Variants in RRP12 observed in about 807,000 individuals in gnomAD.
RRP12 encodes ribosomal RNA processing 12 homolog, also known as RRP12-like protein.
Under a neutral mutation model 157.3 loss-of-function variants are expected in RRP12, and 78 were observed. That is an observed-to-expected ratio of 0.50 (90% CI 0.41 to 0.60). The LOEUF (loss-of-function observed/expected upper bound fraction) is 0.60, where lower values mean the gene tolerates loss of function less well. Ranked by LOEUF, RRP12 falls within the 20% of genes least tolerant of loss-of-function variation. The pLI is 0.00. For missense variants in RRP12, 1,521 were observed against 1,679.9 expected (o/e 0.91, Z 1.65); for synonymous variants, 726 against 670.9 (o/e 1.08, Z -1.27).
chr10:97,399,089 C>T (rs1028743971), intron 2 of RRP12, among the ~76,000 whole-genome samples: 2 of 152,060 alleles, frequency 1.3e-5, no homozygotes, highest in Non-Finnish European at 2.9e-5. Context: ...GCCTGACCAA[C>T]ATGGAGAAAC....
chr10:97,368,421 A>C (rs1844049739), intron 25 of RRP12, among the ~76,000 whole-genome samples: 1 of 150,500 alleles, frequency 6.6e-6, no homozygotes, highest in Non-Finnish European at 1.5e-5. Context: ...GTAGTGGTGC[A>C]ATCTTGGCTC....
intron 13 of RRP12, 147 bp from the exon 14 acceptor site, chr10:97,379,917 G>A (rs564783231): frequency 1.3e-4 from 83 of 645,384 alleles, no homozygotes; most frequent in African/African-American, 1.3e-3. Context: ...ATTAACCACT[G>A]GTGACTGTAA....
At chr10:97,358,832 T>G (rs187655961) in intron 32 of RRP12, 111 bp downstream of exon 32, 2 of 923,630 alleles carry the variant, frequency 2.2e-6, no homozygotes, top group South Asian at 1.4e-5. Context: ...CTGGCCTCAG[T>G]TGAGTTCCAG....
Position 97,390,729 on chromosome 10 carries a change from AG to A in RRP12, c.636+9del. ...GTCGCCAGATGAGAAACTAAACCCCAGACACTAACCCATCGGAGGACAGAGG... is the reference window on the plus strand; with the variant it reads ...GTCGCCAGATGAGAAACTAAACCCCAACACTAACCCATCGGAGGACAGAGG... On this transcript the variant is annotated intron_variant, in intron 5 of 33. Coordinates refer to ENST00000370992, the MANE Select transcript of RRP12 (RefSeq NM_015179.4). 6.3e-7 allele frequency: 1 copy of A among 1,588,642 alleles called. No homozygotes were observed. Among genetic ancestry groups the A allele is most frequent in the Middle Eastern group, 1.7e-4 (1 of 6,020 alleles).
Position 97,373,602 on chromosome 10 carries a change from T to C in RRP12, c.1999A>G (p.Thr667Ala). 1 of 1,607,744 alleles carries C rather than the reference T, an allele frequency of 6.2e-7. No individual in the cohort carries two copies. Among genetic ancestry groups the C allele is most frequent in the Non-Finnish European group, 8.5e-7 (1 of 1,176,278 alleles). Residue 667 changes from threonine (T) to alanine (A), a missense_variant, in exon 17 of 34, where the codon ACC (threonine) becomes GCC (alanine). Thr to Ala is a moderately conservative substitution (Grantham distance 58, BLOSUM62 0). Coordinates refer to ENST00000370992, the MANE Select transcript of RRP12 (RefSeq NM_015179.4). ...LRVTVCQALR[T>A]LITKGCQAEA... ...GCCTGGCAGCCCTTGGTGATGAGGG[T>C]GCGCAGGGCCTGGCACACGGTGACC...
chr10:97,389,526 G>C (rs1272544918), intron 6 of RRP12, among the ~76,000 whole-genome samples: 3 of 152,040 alleles, frequency 2.0e-5, no homozygotes, highest in Non-Finnish European at 4.4e-5. Context: ...CTGGGCTGAC[G>C]GTGCTTAGCA....
In RRP12 at chr10:97,361,265, G is replaced by A. The variant is rs116577844; in HGVS notation, c.3568-647C>T. Among the ~76,000 whole-genome samples the A allele has an allele frequency of 2.1e-4, 32 of 152,326 alleles. No homozygotes were observed. In the South Asian group the frequency reaches 3.1e-3, roughly 15 times the overall value. On this transcript the variant is annotated intron_variant, in intron 30 of 33. Transcript: ENST00000370992. ...GGAAGTGACAGAGCACCTACTGTGC[G>A]CCTGGCACTGTGTTAGGCAGTCCAA...
At position 97,401,243 on chromosome 10, in the gene RRP12, C is replaced by T. The variant is rs747759366; in HGVS notation, c.-12G>A. The T allele has an allele frequency of 1.7e-5, 27 of 1,613,786 alleles. No homozygotes were observed. The South Asian group carries it at 2.2e-4, about 13-fold the overall frequency. ...CCCGAGCGACCCATGTTGACTAAGC[C>T]GTGGCGAGGAATGAGCTTAAATGAC... On this transcript the variant is annotated 5_prime_UTR_variant, in exon 1 of 34. Transcript: ENST00000370992.
At chr10:97,385,041 C>G (rs1564763485) in intron 10 of RRP12, 125 bp downstream of exon 10, 4 of 582,788 alleles carry the variant, frequency 6.9e-6, no homozygotes, top group African/African-American at 2.4e-5. Flanking sequence ...AAGGACCCCC[C>G]CAACCTTGGC....
At chr10:97,382,130 A>C (rs1038162407) in intron 10 of RRP12, among the ~76,000 whole-genome samples, 1 of 152,126 alleles carries the variant, frequency 6.6e-6, no homozygotes, top group Non-Finnish European at 1.5e-5. Flanking sequence ...AAGTTTCTTA[A>C]ATACCCTTCC....
intron 25 of RRP12, 36 bp from the exon 26 acceptor site, chr10:97,367,168 G>A: frequency 6.4e-7 from 1 of 1,572,520 alleles, no homozygotes. Context: ...AGGGAGGCGA[G>A]CCTTCCATGC....
At chr10:97,383,378 A>G (rs1483251087) in intron 10 of RRP12, among the ~76,000 whole-genome samples, 4 of 152,142 alleles carry the variant, frequency 2.6e-5, no homozygotes, top group African/African-American at 9.7e-5. Context: ...TCACTCACAG[A>G]GCCTTTGTTT....
chr10:97,376,921 C>A (rs1274127071), intron 15 of RRP12, among the ~76,000 whole-genome samples: 2 of 150,958 alleles, frequency 1.3e-5, no homozygotes, highest in Non-Finnish European at 3.0e-5. Flanking sequence ...GCTGTGTTGC[C>A]CAGGCTGGAG....
At chr10:97,382,338 TCTCA>T (rs770855634) in intron 10 of RRP12, among the ~76,000 whole-genome samples, 32 of 152,130 alleles carry the variant, frequency 2.1e-4, no homozygotes, top group Non-Finnish European at 3.7e-4. Context: ...AGAGACAGGA[TCTCA>T]CTGTGTTTCC....
chr10:97,390,899 G>T, intron 4 of RRP12, 55 bp from the exon 5 acceptor site: 2 of 1,180,064 alleles, frequency 1.7e-6, no homozygotes, highest in Non-Finnish European at 2.5e-6. Flanking sequence ...AGCAGCTGGT[G>T]CAGCCCCTCG....
Position 97,390,314 on chromosome 10 carries a change from G to A in RRP12, c.753+109C>T, listed in dbSNP as rs111383212. 1,673 of 822,472 alleles carry A rather than the reference G, an allele frequency of 2.0e-3. 8 individuals are homozygous for A. Among genetic ancestry groups the A allele is most frequent in the Middle Eastern group, 0.018 (54 of 3,018 alleles). The allele number at this position is 822,472 out of a possible 1,614,324, so 50.9% of individuals were successfully genotyped here. ...CCTCAGAAGCAGAAAGCAGAAGCCA[G>A]TACTCAGGGCAAGCTCCCCAGTGCC... On this transcript the variant is annotated intron_variant, in intron 6 of 33. Transcript: ENST00000370992.
In RRP12 at chr10:97,380,881, T is replaced by C. The variant is rs373009939; in HGVS notation, c.1451A>G (p.His484Arg). Reference protein sequence around the residue: ...AVEEGLTYKFHAAWSSVLQLL... With the variant: ...AVEEGLTYKFRAAWSSVLQLL... ...CTGCAACACGGAGCTCCAGGCCGCA[T>C]GGAATTTGTACGTCAGGCCCTCCTC... The change falls in exon 13 of 34, where the codon CAT becomes CGT. Residue 484 changes from histidine to arginine, a missense_variant. Physicochemically the swap from His to Arg is conservative, Grantham distance 29. Coordinates refer to ENST00000370992, the MANE Select transcript of RRP12 (RefSeq NM_015179.4). 26 of 1,613,944 alleles carry C rather than the reference T, an allele frequency of 1.6e-5. No individual in the cohort carries two copies. The highest frequency in any genetic ancestry group is 4.5e-5 in the East Asian group (2 of 44,882).
At position 97,398,015 on chromosome 10, in the gene RRP12, A is replaced by G. The variant is rs1479156355; in HGVS notation, c.370-1714T>C. Among the ~76,000 whole-genome samples, 3 of 70,688 alleles carry G rather than the reference A, an allele frequency of 4.2e-5. No homozygotes were observed. The East Asian group carries it at 1.4e-3, about 32-fold the overall frequency. 46.4% of individuals were successfully genotyped at this position (70,688 alleles called of 152,430 possible). ...TACGTATATATATATACATATATAT[A>G]TATATATGTATATATATATACGTAT... is the stretch of plus-strand genomic sequence containing the variant. On this transcript the variant is annotated intron_variant, in intron 2 of 33. Transcript: ENST00000370992.
chr10:97,369,617 C>A, intron 24 of RRP12, 35 bp from the exon 25 acceptor site: 1 of 1,543,946 alleles, frequency 6.5e-7, no homozygotes, highest in South Asian at 1.2e-5. Context: ...CTAAGACACC[C>A]AGGACCCCAC....
Sources: gnomAD v4.1 joint callset for allele counts (sites outside exome capture counted in the v4.1 genomes callset) on GRCh38, gnomAD v4.1.1 for gene constraint, MANE v1.5 for transcripts, NCBI Gene and HGNC (gene_info 2026-07-23, HGNC 2026-07-21) for gene names.